ZNF568: variants seen among roughly 807,000 people sequenced by gnomAD.
ZNF568 encodes zinc finger protein 568.
ZNF568 carries 11 observed loss-of-function variants against 18.1 expected under a neutral mutation model. The ratio of observed to expected loss-of-function variants is 0.61; its 90% CI spans 0.38 to 1.00. ZNF568 has a LOEUF of 1.00. Ranked by LOEUF, ZNF568 falls within the 50% of genes least tolerant of loss-of-function variation. The pLI is 0.01. For synonymous variants in ZNF568, 213 were observed against 246.6 expected (o/e 0.86, Z 1.28); for missense variants, 639 against 768.2 (o/e 0.83, Z 1.99).
intron 4 of ZNF568, among the ~76,000 whole-genome samples, chr19:36,928,493 T>C (rs1044876954): frequency 6.6e-6 from 1 of 152,196 alleles, no homozygotes; most frequent in African/African-American, 2.4e-5. Context: ...AATTAGGCAC[T>C]TTCCTACTAG....
chr19:36,994,252 C>T (rs1600863979), intron 4 of ZNF568, among the ~76,000 whole-genome samples: 1 of 152,096 alleles, frequency 6.6e-6, no homozygotes, highest in African/African-American at 2.4e-5. Context: ...AAGTTCATTC[C>T]ATTGTAGTTG....
chr19:36,921,210 C>T (rs530547790), intron 2 of ZNF568, among the ~76,000 whole-genome samples: 5 of 151,940 alleles, frequency 3.3e-5, no homozygotes, highest in Non-Finnish European at 7.4e-5. Flanking sequence ...GCCTGTAATC[C>T]CAGCACTTTG....
downstream of ZNF568, among the ~76,000 whole-genome samples, chr19:36,957,219 CTTTTTTTTTTTTTTTT>C (rs56712509): frequency 4.3e-5 from 3 of 69,562 alleles, no homozygotes; most frequent in South Asian, 6.2e-4. Context: ...CCAGACTGTT[CTTTTTTTTTTTTTTTT>C]TTTTTTTTTT....
At chr19:36,918,272 T>TTAG (rs1011400521) in intron 2 of ZNF568, among the ~76,000 whole-genome samples, 3 of 152,056 alleles carry the variant, frequency 2.0e-5, no homozygotes, top group African/African-American at 7.2e-5. Flanking sequence ...AATCCCCAAA[T>TTAG]TAGTAGTAGT....
Position 36,958,616 on chromosome 19 carries a change from C to CTTTTTT in ZNF568, c.359-15787_359-15782dup, listed in dbSNP as rs35494587. Reference sequence around the variant, plus strand: ...CTTTTTTTCTTTTTTCTTTTTCTTTCTTTTTTTTTTTTTTTTTTTTTTGAG... The same window carrying CTTTTTT: ...CTTTTTTTCTTTTTTCTTTTTCTTTCTTTTTTTTTTTTTTTTTTTTTTTTTTTTGAG... On this transcript the variant is annotated intron_variant, in intron 6 of 7. Coordinates refer to the ZNF568 transcript ENST00000427117. Among the ~76,000 whole-genome samples, 154 of 99,094 alleles carry CTTTTTT rather than the reference C, an allele frequency of 1.6e-3. 1 individual carries two copies. The highest frequency in any genetic ancestry group is 2.7e-3 in the African/African-American group (60 of 22,436). 65.0% of individuals were successfully genotyped at this position (99,094 alleles called of 152,430 possible). A position where few individuals can be genotyped will look rare whatever the true frequency, so the allele number is the denominator to read the frequency against.
Position 36,948,658 on chromosome 19 carries a change from A to ATTTTT in ZNF568, c.359-833_359-829dup, listed in dbSNP as rs4069585. Among the ~76,000 whole-genome samples, 239 of 83,528 alleles carry ATTTTT rather than the reference A, an allele frequency of 2.9e-3. 12 individuals are homozygous for ATTTTT. Among genetic ancestry groups the ATTTTT allele is most frequent in the African/African-American group, 9.7e-3 (204 of 20,972 alleles). The allele number at this position is 83,528 out of a possible 152,430, so 54.8% of individuals were successfully genotyped here. On this transcript the variant is annotated intron_variant, in intron 6 of 6. Transcript: ENST00000333987. ...TTGCAGCAGGGGTTTTTTGTTGTTGATTTTTTTTTTTTTTTTTTTTTTTTT... is the reference window on the plus strand; with the variant it reads ...TTGCAGCAGGGGTTTTTTGTTGTTGATTTTTTTTTTTTTTTTTTTTTTTTTTTTTT...
At chr19:36,964,420 T>C (rs1362481427) in intron 6 of ZNF568, among the ~76,000 whole-genome samples, 1 of 152,222 alleles carries the variant, frequency 6.6e-6, no homozygotes, top group Non-Finnish European at 1.5e-5. Context: ...CTGCTGTTTC[T>C]GAATATCTCT....
downstream of ZNF568, chr19:36,997,501 T>C: frequency 6.3e-7 from 1 of 1,587,566 alleles, no homozygotes; most frequent in Non-Finnish European, 8.5e-7. Flanking sequence ...CATTCGAAGG[T>C]CAGAACTCAC....
chr19:36,933,898 G>GTT (rs200880642), intron 4 of ZNF568, among the ~76,000 whole-genome samples: 8 of 25,762 alleles, frequency 3.1e-4, no homozygotes, highest in African/African-American at 2.0e-3. Flanking sequence ...CTTTTGGGTA[G>GTT]GTTTTTTTTT....
At chr19:36,962,121 GT>G (rs34079346) in intron 6 of ZNF568, among the ~76,000 whole-genome samples, 52,861 of 141,374 alleles carry the variant, frequency 0.37, 9,788 homozygotes, top group African/African-American at 0.42. Flanking sequence ...GTTGTTTTAT[GT>G]TTTTTTTTTT....
downstream of ZNF568, chr19:36,997,854 T>G: frequency 2.2e-6 from 1 of 450,076 alleles, no homozygotes; most frequent in Non-Finnish European, 4.0e-6. Context: ...TGTTTCAGAA[T>G]TTATTACACA....
At chr19:36,934,292 T>A (rs1489392141) in intron 4 of ZNF568, among the ~76,000 whole-genome samples, 2 of 150,580 alleles carry the variant, frequency 1.3e-5, no homozygotes, top group Non-Finnish European at 3.0e-5. Context: ...TTTGATCATC[T>A]TCTTCTAGTA....
At chr19:36,957,680 A>T (rs1021180050), downstream of ZNF568, among the ~76,000 whole-genome samples, 2 of 152,186 alleles carry the variant, frequency 1.3e-5, no homozygotes, top group African/African-American at 4.8e-5. Context: ...AGAAACAAAG[A>T]AGATGGATAA....
chr19:36,969,673 C>T (rs1025669782), intron 6 of ZNF568, among the ~76,000 whole-genome samples: 2 of 152,008 alleles, frequency 1.3e-5, no homozygotes, highest in African/African-American at 4.8e-5. Context: ...AGCACATCCC[C>T]GCTTTCGTTG....
intron 6 of ZNF568, among the ~76,000 whole-genome samples, chr19:36,946,243 T>C (rs1600812114): frequency 6.6e-6 from 1 of 152,180 alleles, no homozygotes; most frequent in African/African-American, 2.4e-5. Context: ...ATCAACTTGA[T>C]ATAAATAGAA....
intron 4 of ZNF568, among the ~76,000 whole-genome samples, chr19:36,927,901 A>ATTTTTTTTT (rs2073606189): frequency 4.3e-5 from 1 of 23,092 alleles, no homozygotes; most frequent in Non-Finnish European, 7.5e-5. Context: ...ATATATATAT[A>ATTTTTTTTT]TATTTTTTTT....
At chr19:36,946,151 T>C (rs928827945) in intron 6 of ZNF568, among the ~76,000 whole-genome samples, 2 of 152,004 alleles carry the variant, frequency 1.3e-5, no homozygotes, top group Admixed American at 1.3e-4. Flanking sequence ...AATGGTTATC[T>C]ATAGGGCAAA....
rs372759273 is a variant in ZNF568, at chr19:36,942,642, A to AATCCTCAT, written c.358+5401_358+5408dup. 2.4e-3 allele frequency among the ~76,000 whole-genome samples: 364 copies of AATCCTCAT among 150,376 alleles called. 2 individuals are homozygous for AATCCTCAT. The highest frequency in any genetic ancestry group is 8.6e-3 in the African/African-American group (353 of 40,962). On this transcript the variant is annotated intron_variant, in intron 6 of 6. Coordinates refer to ENST00000333987, the MANE Select transcript of ZNF568 (RefSeq NM_198539.4). ...AGAAGAATAGAGAGATAATATAAGG[A>AATCCTCAT]ATCCTCATGTATTCATCACTCAGCT...
intron 4 of ZNF568, among the ~76,000 whole-genome samples, chr19:36,996,165 C>T (rs1026663175): frequency 6.6e-6 from 1 of 151,998 alleles, no homozygotes; most frequent in Admixed American, 6.6e-5. Flanking sequence ...AAAAGCTCCT[C>T]GTTTTCTCAT....
Sources: allele counts gnomAD v4.1 joint callset (sites outside exome capture counted in the v4.1 genomes callset), GRCh38; gene constraint gnomAD v4.1.1; transcripts MANE v1.5; gene names NCBI Gene and HGNC (gene_info 2026-07-23, HGNC 2026-07-21).